Variants in NPSR1 observed in about 807,000 individuals in gnomAD.
NPSR1 encodes the protein neuropeptide S receptor 1, also known as neuropeptide S receptor.
A neutral mutation model predicts 46.9 loss-of-function variants in NPSR1; 48 were observed. The ratio of observed to expected loss-of-function variants is 1.02; its 90% CI spans 0.81 to 1.30. The LOEUF is 1.30. NPSR1 is among the 50% of genes most tolerant of loss of function. The pLI is 0.00. For missense variants in NPSR1, 450 were observed against 449.5 expected (o/e 1.00, Z -0.01); for synonymous variants, 176 against 168.1 (o/e 1.05, Z -0.36).
chr7:34,822,542 A>G (rs1394143858), intron 4 of NPSR1, among the ~76,000 whole-genome samples: 1 of 152,262 alleles, frequency 6.6e-6, no homozygotes, highest in Non-Finnish European at 1.5e-5. Flanking sequence ...GAAAAATATC[A>G]AAATAATAAA....
At chr7:34,845,776 G>T (rs896649935) in intron 7 of NPSR1, among the ~76,000 whole-genome samples, 3 of 151,974 alleles carry the variant, frequency 2.0e-5, no homozygotes, top group Non-Finnish European at 2.9e-5. Flanking sequence ...CCTAAAATAG[G>T]GTCTCCTACA....
chr7:34,789,508 G>A (rs1787620886), intron 3 of NPSR1, among the ~76,000 whole-genome samples: 3 of 151,762 alleles, frequency 2.0e-5, no homozygotes, highest in Admixed American at 6.6e-5. Context: ...AAAACTAAAT[G>A]TCAGCCAGGC....
chr7:34,690,753 A>T lies in NPSR1; in HGVS notation c.280+6069A>T, dbSNP rs535606554. Among the ~76,000 whole-genome samples the T allele has an allele frequency of 7.4e-4, 113 of 152,302 alleles. 4 individuals carry two copies. The highest frequency in any genetic ancestry group is 2.7e-3 in the African/African-American group (111 of 41,580). On this transcript the variant is annotated intron_variant, in intron 2 of 8. Coordinates refer to ENST00000360581, the MANE Select transcript of NPSR1 (RefSeq NM_207172.2). ...GATTATGTAAAGCACCCAAACCTAC[A>T]ATTTATAGGTATTTCAAAGGGTGAA...
chr7:34,683,611 A>G (rs11761288), intron 1 of NPSR1, among the ~76,000 whole-genome samples: 26,896 of 152,066 alleles, frequency 0.18, 3,483 homozygotes, highest in African/African-American at 0.36. Context: ...CTACAGTGCC[A>G]GGGTCTGGGA....
chr7:34,734,015 T>A (rs10257063), intron 2 of NPSR1, among the ~76,000 whole-genome samples: 1 of 152,108 alleles, frequency 6.6e-6, no homozygotes, highest in Admixed American at 6.5e-5. Flanking sequence ...AGTGACAGAA[T>A]CAGATTGGTG....
Position 34,709,778 on chromosome 7 carries a change from C to A in NPSR1, c.280+25094C>A, listed in dbSNP as rs561746265. ...ATATTTGTTGAAGCAATGAATGAAC[C>A]AAATGAATGAATGAAAGATGAATAT... On this transcript the variant is annotated intron_variant, in intron 2 of 8. Transcript: ENST00000360581. 2.6e-5 allele frequency among the ~76,000 whole-genome samples: 4 copies of A among 151,778 alleles called. No homozygotes were observed. In the East Asian group the frequency reaches 7.8e-4, roughly 29 times the overall value.
At chr7:34,845,667 A>T (rs929523534) in intron 7 of NPSR1, 10 of 441,206 alleles carry the variant, frequency 2.3e-5, no homozygotes, top group African/African-American at 1.6e-4. Context: ...ACACTACAGG[A>T]TATAGATTGA....
chr7:34,789,159 A>T (rs919456671), intron 3 of NPSR1, among the ~76,000 whole-genome samples: 1 of 152,036 alleles, frequency 6.6e-6, no homozygotes, highest in Non-Finnish European at 1.5e-5. Flanking sequence ...CAGGTCTAAG[A>T]GGGGAGTTTA....
At chr7:34,871,458 C>A (rs1231221453) in intron 8 of NPSR1, 1 of 151,724 alleles carries the variant, frequency 6.6e-6, no homozygotes, top group East Asian at 1.9e-4. Flanking sequence ...CTCTGGCCCC[C>A]AAATATCATG....
intron 8 of NPSR1, among the ~76,000 whole-genome samples, chr7:34,864,262 A>G (rs977735435): frequency 6.6e-6 from 1 of 151,420 alleles, no homozygotes; most frequent in African/African-American, 2.5e-5. Context: ...TAGGAGAAAC[A>G]CCTAATGTAG....
At chr7:34,835,102 C>A (rs997079207) in intron 6 of NPSR1, among the ~76,000 whole-genome samples, 5 of 152,194 alleles carry the variant, frequency 3.3e-5, no homozygotes, top group Non-Finnish European at 7.3e-5. Flanking sequence ...TGGACCTGAC[C>A]AAGGTCAACC....
At chr7:34,877,262 G>T (rs1458259848) in intron 8 of NPSR1, among the ~76,000 whole-genome samples, 14 of 152,280 alleles carry the variant, frequency 9.2e-5, no homozygotes, top group Non-Finnish European at 1.9e-4. Context: ...GCATGGGGGT[G>T]TGGGGGTGGC....
intron 2 of NPSR1, among the ~76,000 whole-genome samples, chr7:34,762,153 T>C (rs1294214837): frequency 6.6e-6 from 1 of 152,194 alleles, no homozygotes; most frequent in Non-Finnish European, 1.5e-5. Context: ...CTAGCGGCAT[T>C]TGTAACTTGT....
chr7:34,857,189 A>C (rs1353132447), intron 8 of NPSR1, among the ~76,000 whole-genome samples: 1 of 151,780 alleles, frequency 6.6e-6, no homozygotes, highest in African/African-American at 2.4e-5. Flanking sequence ...ATCCTAAGAT[A>C]ATCAATTTTC....
chr7:34,668,156 C>T (rs1161368629), intron 1 of NPSR1, among the ~76,000 whole-genome samples: 1 of 152,122 alleles, frequency 6.6e-6, no homozygotes, highest in African/African-American at 2.4e-5. Flanking sequence ...CCACAGCACT[C>T]AGAATTCCAT....
At position 34,692,673 on chromosome 7, in the gene NPSR1, T is replaced by C. The variant is rs28875185; in HGVS notation, c.280+7989T>C. Among the ~76,000 whole-genome samples, 639 of 151,664 alleles carry C rather than the reference T, an allele frequency of 4.2e-3. 4 individuals carry two copies. The highest frequency in any genetic ancestry group is 0.015 in the African/African-American group (627 of 41,346). On this transcript the variant is annotated intron_variant, in intron 2 of 8. Transcript: ENST00000360581. ...AAGCGAGAACAAGCCAAATCCAAAG[T>C]AAGCAGAAAAAAAAGAAATATAATA...
intron 2 of NPSR1, among the ~76,000 whole-genome samples, chr7:34,693,795 T>C (rs1793380657): frequency 6.6e-6 from 1 of 152,096 alleles, no homozygotes; most frequent in Admixed American, 6.5e-5. Flanking sequence ...AAAAAGATAA[T>C]ACATCACAAT....
At chr7:34,673,178 G>A (rs992890836) in intron 1 of NPSR1, among the ~76,000 whole-genome samples, 1 of 152,108 alleles carries the variant, frequency 6.6e-6, no homozygotes, top group African/African-American at 2.4e-5. Context: ...CCTTATTTGG[G>A]TTTCTACAAC....
At chr7:34,724,436 T>C (rs1475501979) in intron 2 of NPSR1, among the ~76,000 whole-genome samples, 1 of 152,208 alleles carries the variant, frequency 6.6e-6, no homozygotes, top group African/African-American at 2.4e-5. Context: ...GGTTTCTTCC[T>C]TCTGATAAAG....
Sources: allele counts gnomAD v4.1 joint callset (sites outside exome capture counted in the v4.1 genomes callset), GRCh38; gene constraint gnomAD v4.1.1; transcripts MANE v1.5; gene names NCBI Gene and HGNC (gene_info 2026-07-23, HGNC 2026-07-21).